CDH8: variants seen among roughly 807,000 people sequenced by gnomAD.
The protein encoded by CDH8 is cadherin-8.
In CDH8, 17 loss-of-function variants were observed where a neutral mutation model predicts 68.1. That is an observed-to-expected ratio of 0.25 (90% CI 0.17 to 0.37). The LOEUF is 0.37. CDH8 is among the 10% of genes least tolerant of loss of function. CDH8 has a pLI of 1.00. For synonymous variants in CDH8, 372 were observed against 365.1 expected, an observed-to-expected ratio of 1.02 and a Z score of -0.21; for missense variants, 763 against 999.3, an observed-to-expected ratio of 0.76 and a Z score of 3.19.
chr16:61,753,948 G>A (rs1960242392), intron 8 of CDH8, among the ~76,000 whole-genome samples: 1 of 152,014 alleles, frequency 6.6e-6, no homozygotes, highest in Admixed American at 6.6e-5. Context: ...TTTTTTATTT[G>A]TGAAAATTAA....
At chr16:61,883,602 A>T (rs1246994904) in intron 3 of CDH8, among the ~76,000 whole-genome samples, 1 of 151,704 alleles carries the variant, frequency 6.6e-6, no homozygotes, top group Non-Finnish European at 1.5e-5. Flanking sequence ...TCATATGAAT[A>T]AAAACAAGTA....
intron 8 of CDH8, among the ~76,000 whole-genome samples, chr16:61,779,421 G>A (rs1034816178): frequency 7.9e-6 from 1 of 127,180 alleles, no homozygotes. Flanking sequence ...TTTAATGTTC[G>A]TTTATGTGTG....
intron 8 of CDH8, among the ~76,000 whole-genome samples, chr16:61,764,530 G>C (rs186344148): frequency 3.8e-4 from 58 of 152,142 alleles, no homozygotes; most frequent in African/African-American, 1.4e-3. Context: ...CAGCAAAACT[G>C]TCAGATTAAT....
chr16:62,031,699 A>ACACAC (rs1902331065), intron 1 of CDH8, among the ~76,000 whole-genome samples: 1 of 117,142 alleles, frequency 8.5e-6, no homozygotes, highest in South Asian at 2.6e-4. Context: ...CACACACACA[A>ACACAC]GACATCCAAG....
intron 8 of CDH8, among the ~76,000 whole-genome samples, chr16:61,742,996 G>GT (rs2142928349): frequency 1.3e-5 from 2 of 152,134 alleles, no homozygotes; most frequent in East Asian, 1.9e-4. Context: ...CAAAGCCTGC[G>GT]TTTTTAAACT....
chr16:61,918,038 G>A (rs1408373913), intron 2 of CDH8, among the ~76,000 whole-genome samples: 3 of 138,248 alleles, frequency 2.2e-5, no homozygotes, highest in Non-Finnish European at 4.6e-5. Flanking sequence ...TACAACTGCT[G>A]CCACCTTAGT....
chr16:61,716,154 A>C (rs1280431881), intron 9 of CDH8, among the ~76,000 whole-genome samples: 1 of 151,676 alleles, frequency 6.6e-6, no homozygotes, highest in African/African-American at 2.4e-5. Flanking sequence ...GATCAGTCAT[A>C]ATTAAATGCT....
At chr16:61,984,780 T>C (rs1430918130) in intron 2 of CDH8, among the ~76,000 whole-genome samples, 1 of 152,176 alleles carries the variant, frequency 6.6e-6, no homozygotes, top group African/African-American at 2.4e-5. Context: ...CCTAAAGATA[T>C]TCTCTCATAT....
At chr16:61,762,310 T>C (rs1018630643) in intron 8 of CDH8, among the ~76,000 whole-genome samples, 1 of 152,152 alleles carries the variant, frequency 6.6e-6, no homozygotes, top group African/African-American at 2.4e-5. Context: ...CTATATAGTT[T>C]TGTAAGATTG....
chr16:61,847,799 G>A (rs1014793841), intron 4 of CDH8, among the ~76,000 whole-genome samples: 1 of 151,352 alleles, frequency 6.6e-6, no homozygotes, highest in Non-Finnish European at 1.5e-5. Flanking sequence ...GGGAAGGAGG[G>A]AACTACAACA....
intron 9 of CDH8, chr16:61,726,356 T>C (rs1337719035): frequency 6.6e-6 from 1 of 150,830 alleles, no homozygotes; most frequent in African/African-American, 2.4e-5. Flanking sequence ...ATTCAGAGTA[T>C]AGCAGATATT....
At chr16:61,738,964 G>GT (rs1959785533) in intron 8 of CDH8, among the ~76,000 whole-genome samples, 1 of 151,958 alleles carries the variant, frequency 6.6e-6, no homozygotes, top group Non-Finnish European at 1.5e-5. Flanking sequence ...TTTCTATCCT[G>GT]TTTACATATC....
At chr16:61,960,829 G>A (rs2150571354) in intron 2 of CDH8, among the ~76,000 whole-genome samples, 1 of 151,984 alleles carries the variant, frequency 6.6e-6, no homozygotes, top group East Asian at 1.9e-4. Context: ...CAGACCTCTC[G>A]CTGCTAGCTT....
chr16:61,813,668 G>A, intron 7 of CDH8, among the ~76,000 whole-genome samples: 1 of 152,152 alleles, frequency 6.6e-6, no homozygotes, highest in African/African-American at 2.4e-5. Context: ...CTCTTATCTT[G>A]CTTTGCTGTT....
At chr16:61,829,214 C>A (rs943174917) in intron 4 of CDH8, among the ~76,000 whole-genome samples, 6 of 151,770 alleles carry the variant, frequency 4.0e-5, no homozygotes, top group African/African-American at 1.5e-4. Flanking sequence ...TTAGAGATAT[C>A]GTTAAAGTAA....
chr16:61,944,703 A>G (rs1360077625), intron 2 of CDH8, among the ~76,000 whole-genome samples: 1 of 152,132 alleles, frequency 6.6e-6, no homozygotes, highest in African/African-American at 2.4e-5. Flanking sequence ...GCACTTTAAG[A>G]GCTGGAGGCA....
intron 5 of CDH8, 24 bp from the exon 6 acceptor site, chr16:61,821,137 A>G: frequency 1.3e-6 from 2 of 1,570,124 alleles, no homozygotes. Context: ...AGAAACAATG[A>G]GAGTCACACA....
chr16:61,996,740 A>G (rs1199439674), intron 2 of CDH8, among the ~76,000 whole-genome samples: 1 of 152,170 alleles, frequency 6.6e-6, no homozygotes, highest in Admixed American at 6.6e-5. Flanking sequence ...CAATTTATTT[A>G]TTCATTTATA....
intron 10 of CDH8, among the ~76,000 whole-genome samples, chr16:61,681,557 T>A (rs1182572179): frequency 6.7e-6 from 1 of 150,012 alleles, no homozygotes; most frequent in Admixed American, 6.7e-5. Flanking sequence ...GCAAGAAGGT[T>A]TTTTTTTTTT....
Sources: gnomAD v4.1 joint callset for allele counts (sites outside exome capture counted in the v4.1 genomes callset) on GRCh38, gnomAD v4.1.1 for gene constraint, MANE v1.5 for transcripts, NCBI Gene and HGNC (gene_info 2026-07-23, HGNC 2026-07-21) for gene names.